AFM: variants seen among roughly 807,000 people sequenced by gnomAD.
AFM encodes the protein afamin, also known as alpha-Alb.
AFM carries 82 observed loss-of-function variants against 68.7 expected under a neutral mutation model. That is an observed-to-expected ratio of 1.19 (90% CI 1.00 to 1.43). AFM has a LOEUF of 1.43. Ranked by LOEUF, AFM falls within the 40% of genes most tolerant of loss-of-function variation. The probability of loss-of-function intolerance (pLI) is 0.00; values close to 1 mark genes in which losing one functional copy is unlikely to be tolerated. For synonymous variants in AFM, 250 were observed against 234.2 expected, an observed-to-expected ratio of 1.07 and a Z score of -0.61; for missense variants, 772 against 701.8, an observed-to-expected ratio of 1.10 and a Z score of -1.13.
At chr4:73,481,928 T>G in intron 1 of AFM, 65 bp downstream of exon 1, 2 of 1,210,086 alleles carry the variant, frequency 1.7e-6, no homozygotes, top group Non-Finnish European at 2.4e-6. Flanking sequence ...TTTTTAAAAT[T>G]TTGTTTTCTT....
In AFM at chr4:73,502,476, C is replaced by T. The variant is rs183140752; in HGVS notation, c.1779+557C>T. Among the ~76,000 whole-genome samples, 295 of 152,210 alleles carry T rather than the reference C, an allele frequency of 1.9e-3. 1 individual carries two copies. The highest frequency in any genetic ancestry group is 6.4e-3 in the African/African-American group (265 of 41,526). On this transcript the variant is annotated intron_variant, in intron 13 of 14. Transcript: ENST00000226355. The stretch of plus-strand genomic sequence containing the variant: ...GGGAGAAATGTCCCTTGCTTGCCCT[C>T]GCTCCAGTGAAGGTAGTCTGTAGCC...
chr4:73,499,274 TC>T (rs1721350935), intron 11 of AFM, 28 bp downstream of exon 11: 18 of 1,397,704 alleles, frequency 1.3e-5, no homozygotes, highest in Admixed American at 8.6e-5. Context: ...ACCAGACTAC[TC>T]TTTTTTTTTT....
chr4:73,499,298 A>T, intron 11 of AFM, 52 bp downstream of exon 11: 4 of 1,397,456 alleles, frequency 2.9e-6, no homozygotes, highest in Non-Finnish European at 3.8e-6. Context: ...TTTAAAAAAA[A>T]GAATATTTGC....
At chr4:73,485,827 G>A (rs1399633076) in intron 3 of AFM, 35 bp from the exon 4 acceptor site, 1 of 1,555,006 alleles carries the variant, frequency 6.4e-7, no homozygotes, top group South Asian at 1.1e-5. Flanking sequence ...ACTTTACCAT[G>A]ACTAAAAATT....
chr4:73,502,037 G>T, intron 13 of AFM, 118 bp downstream of exon 13: 1 of 1,106,858 alleles, frequency 9.0e-7, no homozygotes, highest in Non-Finnish European at 1.3e-6. Context: ...ACATTTGAGA[G>T]CACAATTGCT....
intron 5 of AFM, 83 bp from the exon 6 acceptor site, chr4:73,487,641 A>T (rs1720938076): frequency 2.2e-6 from 2 of 917,774 alleles, no homozygotes; most frequent in East Asian, 5.2e-5. Context: ...ATTTTGTAAT[A>T]GTTTGAATGA....
chr4:73,503,049 G>GAGA lies in AFM; in HGVS notation c.1781_1782insAAG (p.Glu593_Ser594insArg), dbSNP rs756186436. The GAGA allele has an allele frequency of 6.2e-7, 1 of 1,612,982 alleles. No individual in the cohort carries two copies. The highest frequency in any genetic ancestry group is 8.5e-7 in the Non-Finnish European group (1 of 1,179,278). On this transcript the variant is annotated inframe_insertion and splice_region_variant. Transcript: ENST00000226355. The stretch of plus-strand genomic sequence containing the variant: ...GTTTTTATTTCCATCCCTCACCTCA[G>GAGA]AGTCCAAAAATTGGCAACTGAAGCC...
Position 73,491,958 on chromosome 4 carries a change from C to A in AFM, c.930C>A (p.Arg310=). 6.2e-7 allele frequency: 1 copy of A among 1,613,822 alleles called. No individual in the cohort carries two copies. The highest frequency in any genetic ancestry group is 8.5e-7 in the Non-Finnish European group (1 of 1,179,872). ...KECCEKKIPE[R]GQCIINSNKD... ...GCTGTGAAAAGAAAATACCAGAGCG[C>A]GGCCAGTGCATAATTAACTCAAACA... The change falls in exon 8 of 15, where the codon CGC becomes CGA. Residue 310 remains arginine, a synonymous_variant. Transcript: ENST00000226355.
At chr4:73,485,690 GA>G (rs1022025782) in intron 3 of AFM, among the ~76,000 whole-genome samples, 171 bp from the exon 4 acceptor site, 11 of 141,028 alleles carry the variant, frequency 7.8e-5, no homozygotes, top group Non-Finnish European at 1.1e-4. Context: ...GGAAGAGAAG[GA>G]GGGGGGGAAG....
At chr4:73,487,628 C>A (rs1214825504) in intron 5 of AFM, 96 bp from the exon 6 acceptor site, 3 of 844,464 alleles carry the variant, frequency 3.6e-6, no homozygotes, top group Non-Finnish European at 5.5e-6. Context: ...TGTCTCTGAA[C>A]AAATTTTGTA....
At chr4:73,484,485 T>TC in intron 3 of AFM, 95 bp downstream of exon 3, 1 of 752,110 alleles carries the variant, frequency 1.3e-6, no homozygotes, top group South Asian at 3.3e-5. Flanking sequence ...TTTCTTTCTT[T>TC]CTTTCTTTCT....
intron 2 of AFM, 116 bp from the exon 3 acceptor site, chr4:73,484,142 T>C: frequency 7.0e-7 from 1 of 1,436,722 alleles, no homozygotes; most frequent in South Asian, 1.5e-5. Context: ...GTAAAATTTA[T>C]AGCCATTACA....
chr4:73,497,565 T>C (rs1158101), intron 9 of AFM, 87 bp from the exon 10 acceptor site: 185,317 of 759,300 alleles, frequency 0.24, 23,876 homozygotes, highest in Admixed American at 0.33. Context: ...ACCATAGAAA[T>C]AAGAAATGCT....
intron 9 of AFM, among the ~76,000 whole-genome samples, chr4:73,496,640 AGT>A (rs1355042577): frequency 6.6e-6 from 1 of 152,174 alleles, no homozygotes; most frequent in Non-Finnish European, 1.5e-5. Context: ...TGTAAATAAC[AGT>A]GTTTGTGTTT....
intron 8 of AFM, among the ~76,000 whole-genome samples, chr4:73,492,513 CTGCTA>C (rs1342616552): frequency 6.6e-6 from 1 of 152,120 alleles, no homozygotes; most frequent in Non-Finnish European, 1.5e-5. Context: ...GCAGGCTTAA[CTGCTA>C]TGCTATGCCA....
rs1178554314 is a variant in AFM, at chr4:73,503,101, A to G, written c.*31A>G. 2 of 1,611,126 alleles carry G rather than the reference A, an allele frequency of 1.2e-6. No individual in the cohort carries two copies. Among genetic ancestry groups the G allele is most frequent in the Non-Finnish European group, 1.7e-6 (2 of 1,177,562 alleles). On this transcript the variant is annotated 3_prime_UTR_variant, in exon 14 of 15. Coordinates refer to ENST00000226355, the MANE Select transcript of AFM (RefSeq NM_001133.2). Reference sequence around the variant, plus strand: ...GCTGCTGGAGATATGTAAAGAAAAAAGCACCAAAGGTAATACCCTCTGCCT... The same window carrying G: ...GCTGCTGGAGATATGTAAAGAAAAAGGCACCAAAGGTAATACCCTCTGCCT...
At chr4:73,485,638 G>GAA (rs1560408686) in intron 3 of AFM, among the ~76,000 whole-genome samples, 73 of 135,770 alleles carry the variant, frequency 5.4e-4, no homozygotes, top group African/African-American at 1.9e-3. Context: ...AAAAAGAAGA[G>GAA]GAAGAAGAAG....
chr4:73,491,850 C>T lies in AFM; in HGVS notation c.844-22C>T, dbSNP rs775125961. 7.5e-6 allele frequency: 12 copies of T among 1,589,410 alleles called. No individual in the cohort carries two copies. In the South Asian group the frequency reaches 1.2e-4, roughly 17 times the overall value. ...AAACCCAGCCTGAAAGTAAAATAAT[C>T]TCTCATTCTTATTTGGTACAGAGCA... On this transcript the variant is annotated intron_variant, in intron 7 of 14. Transcript: ENST00000226355.
At chr4:73,486,181 T>C in intron 4 of AFM, 108 bp downstream of exon 4, 2 of 938,586 alleles carry the variant, frequency 2.1e-6, no homozygotes, top group Non-Finnish European at 3.2e-6. Context: ...TATTGATTAA[T>C]TGTTTCATTC....
Sources: gnomAD v4.1 joint callset for allele counts (sites outside exome capture counted in the v4.1 genomes callset) on GRCh38, gnomAD v4.1.1 for gene constraint, MANE v1.5 for transcripts, NCBI Gene and HGNC (gene_info 2026-07-23, HGNC 2026-07-21) for gene names.